ALMS1: variants seen among roughly 807,000 people sequenced by gnomAD.
ALMS1 encodes the protein ALMS1 centrosome and basal body associated protein.
Under a neutral mutation model 352.2 loss-of-function variants are expected in ALMS1, and 271 were observed. The observed-to-expected ratio is 0.77, with a 90% CI of 0.70 to 0.85. The LOEUF (loss-of-function observed/expected upper bound fraction) is 0.85. Ranked by LOEUF, ALMS1 falls within the 40% of genes least tolerant of loss-of-function variation. The pLI, the probability that ALMS1 is intolerant of heterozygous loss-of-function variation, is 0.00. For missense variants in ALMS1, 5,445 were observed against 4,870.7 expected, an observed-to-expected ratio of 1.12 and a Z score of -3.51; for synonymous variants, 1,865 against 1,761.2, an observed-to-expected ratio of 1.06 and a Z score of -1.48.
In ALMS1 at chr2:73,489,810, G is replaced by A. The variant is rs1318301791; in HGVS notation, c.7851G>A (p.Gln2617=). ...AGPSEMTRGR[Q]NPSSCRAKHV... ...CCTCAGAAATGACCAGAGGACGGCA[G>A]AACCCATCATCATGCAGAGCCAAGC... Residue 2617 remains glutamine (Q), a synonymous_variant, in exon 10 of 23, where the codon CAG becomes CAA. Transcript: ENST00000613296. 1 of 1,614,132 alleles carries A rather than the reference G, an allele frequency of 6.2e-7. No homozygotes were observed. The highest frequency in any genetic ancestry group is 1.3e-5 in the African/African-American group (1 of 75,020).
intron 10 of ALMS1, among the ~76,000 whole-genome samples, chr2:73,501,222 A>T (rs894590130): frequency 2.0e-5 from 3 of 152,158 alleles, no homozygotes; most frequent in Non-Finnish European, 4.4e-5. Flanking sequence ...TCCAGATACA[A>T]ATCCTCTGTG....
intron 7 of ALMS1, among the ~76,000 whole-genome samples, chr2:73,433,915 T>C (rs115455851): frequency 0.017 from 2,515 of 152,298 alleles, 68 homozygotes; most frequent in African/African-American, 0.057. Flanking sequence ...TATTCCCATG[T>C]AATCTCTTTC....
At chr2:73,416,499 T>G (rs11684858) in intron 2 of ALMS1, among the ~76,000 whole-genome samples, 6,214 of 152,302 alleles carry the variant, frequency 0.041, 179 homozygotes, top group East Asian at 0.079. Context: ...ACTTACTATA[T>G]GAACATTTTG....
rs371958217 is a variant in ALMS1 at position 73,482,755 on chromosome 2, A to C, written c.7675-6879A>C. 2.2e-3 allele frequency among the ~76,000 whole-genome samples: 331 copies of C among 151,806 alleles called. 1 individual carries two copies. Among genetic ancestry groups the C allele is most frequent in the Middle Eastern group, 6.8e-3 (2 of 294 alleles). ...CTATTGATTATTGCCACAATTTCAG[A>C]TCCTGTTATTGGTCTATTCAGAGAT... On this transcript the variant is annotated intron_variant, in intron 9 of 22. Transcript: ENST00000613296.
At position 73,454,063 on chromosome 2, in the gene ALMS1, A is replaced by ACAT. The variant is rs1202429620; in HGVS notation, c.7537_7539dup (p.His2513dup). 1 of 1,608,476 alleles carries ACAT rather than the reference A, an allele frequency of 6.2e-7. No individual in the cohort carries two copies. Among genetic ancestry groups the ACAT allele is most frequent in the Non-Finnish European group, 8.5e-7 (1 of 1,177,134 alleles). On this transcript the variant is annotated inframe_insertion, in exon 8 of 23. Transcript: ENST00000613296. ...AGGAAGAGGAAAGCCGGGTACGAGC[A>ACAT]CATGGTAAGAAGAAAGTTTCAGGCT...
At chr2:73,511,600 G>A (rs1673453600) in intron 10 of ALMS1, among the ~76,000 whole-genome samples, 1 of 152,164 alleles carries the variant, frequency 6.6e-6, no homozygotes, top group Admixed American at 6.5e-5. Flanking sequence ...GCAGACTGGA[G>A]CTGTTCTATT....
chr2:73,437,201 A>T (rs955391449), intron 7 of ALMS1, among the ~76,000 whole-genome samples: 2 of 152,022 alleles, frequency 1.3e-5, no homozygotes, highest in South Asian at 2.1e-4. Flanking sequence ...CTCTGTTCTT[A>T]TGGCTTGCCT....
intron 10 of ALMS1, among the ~76,000 whole-genome samples, chr2:73,511,531 G>T (rs1252712820): frequency 2.6e-5 from 4 of 152,008 alleles, no homozygotes; most frequent in African/African-American, 9.7e-5. Context: ...AGATGAACTG[G>T]GTACCTTAGT....
At chr2:73,435,428 T>C (rs1671586531) in intron 7 of ALMS1, among the ~76,000 whole-genome samples, 1 of 152,160 alleles carries the variant, frequency 6.6e-6, no homozygotes, top group Admixed American at 6.5e-5. Context: ...TTCTTAGTGA[T>C]TACTCTGGGG....
intron 1 of ALMS1, among the ~76,000 whole-genome samples, chr2:73,389,269 G>A (rs180883220): frequency 6.6e-6 from 1 of 151,914 alleles, no homozygotes; most frequent in Admixed American, 6.6e-5. Flanking sequence ...TCTTTTGCCC[G>A]CTTTTTAGTG....
At chr2:73,595,348 A>C (rs1675523228) in intron 16 of ALMS1, among the ~76,000 whole-genome samples, 1 of 152,160 alleles carries the variant, frequency 6.6e-6, no homozygotes, top group Non-Finnish European at 1.5e-5. Flanking sequence ...GCCCCAGGCA[A>C]CCTCTCATCT....
In ALMS1 at chr2:73,452,814, T is replaced by G. The variant is rs1671976009; in HGVS notation, c.6287T>G (p.Phe2096Cys). 2 of 1,613,666 alleles carry G rather than the reference T, an allele frequency of 1.2e-6. No individual in the cohort carries two copies. Among genetic ancestry groups the G allele is most frequent in the Non-Finnish European group, 1.7e-6 (2 of 1,179,978 alleles). The change falls in exon 8 of 23, where the codon TTT becomes TGT. Residue 2096 changes from phenylalanine to cysteine, a missense_variant. By Grantham distance (205) the Phe-to-Cys change is radical. Coordinates refer to ENST00000613296, the MANE Select transcript of ALMS1 (RefSeq NM_001378454.1). ...CCAGTATCTCTCTCTAGTTCTTATT[T>G]TCACAGAGAGAAATCGAATATTTTC... ...GKPVSLSSSY[F>C]HREKSNIFSP... is the part of the protein sequence containing the mutation.
intron 10 of ALMS1, among the ~76,000 whole-genome samples, chr2:73,497,051 C>G (rs1256096298): frequency 6.6e-6 from 1 of 152,004 alleles, no homozygotes; most frequent in African/African-American, 2.4e-5. Context: ...AAGGTGTTTC[C>G]TTTTGATCAA....
At chr2:73,551,394 T>C (rs1301321524) in intron 13 of ALMS1, among the ~76,000 whole-genome samples, 1 of 150,072 alleles carries the variant, frequency 6.7e-6, no homozygotes, top group African/African-American at 2.4e-5. Flanking sequence ...CTTATCTGTC[T>C]GCTGATCACT....
At chr2:73,388,931 A>T (rs1216840201) in intron 1 of ALMS1, among the ~76,000 whole-genome samples, 6 of 152,100 alleles carry the variant, frequency 3.9e-5, no homozygotes, top group African/African-American at 1.2e-4. Context: ...TTTTGATGAA[A>T]TGATTTAATT....
chr2:73,439,112 TC>T (rs1671664899), intron 7 of ALMS1, among the ~76,000 whole-genome samples: 6 of 137,704 alleles, frequency 4.4e-5, no homozygotes, highest in African/African-American at 1.3e-4. Flanking sequence ...CTCCTCCTCC[TC>T]CTCTTTTTTT....
At chr2:73,510,671 C>T (rs1302908880) in intron 10 of ALMS1, among the ~76,000 whole-genome samples, 1 of 152,164 alleles carries the variant, frequency 6.6e-6, no homozygotes. Flanking sequence ...TAGGTGTCTC[C>T]CCACCAGGAG....
Position 73,452,990 on chromosome 2 carries a change from G to C in ALMS1, c.6463G>C (p.Asp2155His). The C allele has an allele frequency of 6.2e-7, 1 of 1,612,540 alleles. No individual in the cohort carries two copies. The highest frequency in any genetic ancestry group is 8.5e-7 in the Non-Finnish European group (1 of 1,179,366). The change falls in exon 8 of 23, where the codon GAT (aspartate) becomes CAT (histidine). Residue 2155 changes from aspartate to histidine, a missense_variant. Physicochemically the swap from Asp to His is moderately conservative, Grantham distance 81 (BLOSUM62 -1). Coordinates refer to ENST00000613296, the MANE Select transcript of ALMS1 (RefSeq NM_001378454.1). Reference sequence around the variant, plus strand: ...GAAACCAGATATTTTCTATCAAAAGGATTTGCCAGATAGACATCTAACTGA... The same window carrying C: ...GAAACCAGATATTTTCTATCAAAAGCATTTGCCAGATAGACATCTAACTGA... Reference protein sequence around the residue: ...REKPDIFYQKDLPDRHLTEDA... With the variant: ...REKPDIFYQKHLPDRHLTEDA...
chr2:73,585,117 A>G (rs1219393108), intron 16 of ALMS1, among the ~76,000 whole-genome samples: 1 of 152,154 alleles, frequency 6.6e-6, no homozygotes, highest in Non-Finnish European at 1.5e-5. Flanking sequence ...TCATATAATG[A>G]CATATTTTCC....
Sources: allele counts gnomAD v4.1 joint callset (sites outside exome capture counted in the v4.1 genomes callset), GRCh38; gene constraint gnomAD v4.1.1; transcripts MANE v1.5; gene names NCBI Gene and HGNC (gene_info 2026-07-23, HGNC 2026-07-21).